Variants in TG observed in about 807,000 individuals in gnomAD.
TG encodes the protein thyroid hormones.
In TG, 270 loss-of-function variants were observed where a neutral mutation model predicts 324.7. That is an observed-to-expected ratio of 0.83 (90% confidence interval 0.75 to 0.92). The LOEUF is 0.92. Among genes scored for constraint, TG ranks in the 40% least tolerant of loss-of-function variants. The pLI, the probability that TG is intolerant of heterozygous loss-of-function variation, is 0.00. For missense variants in TG, 3,591 were observed against 3,456.4 expected, an observed-to-expected ratio of 1.04 and a Z score of -0.98; for synonymous variants, 1,401 against 1,327.0, an observed-to-expected ratio of 1.06 and a Z score of -1.21.
At chr8:132,920,010 C>G (rs1318070972) in intron 21 of TG, among the ~76,000 whole-genome samples, 2 of 152,196 alleles carry the variant, frequency 1.3e-5, no homozygotes, top group Admixed American at 6.5e-5. Flanking sequence ...GATGATGTAA[C>G]TGGTCTTTGA....
rs768727106 is a variant in TG at position 132,929,185 on chromosome 8, C to CT, written c.4811dup (p.Leu1604PhefsTer25). 1 of 1,613,522 alleles carries CT rather than the reference C, an allele frequency of 6.2e-7. No individual in the cohort carries two copies. Among genetic ancestry groups the CT allele is most frequent in the South Asian group, 1.1e-5 (1 of 91,070 alleles). On this transcript the variant is annotated frameshift_variant, in exon 23 of 48. Coordinates refer to ENST00000220616, the MANE Select transcript of TG (RefSeq NM_003235.5). LOFTEE classifies it high-confidence loss of function. The stretch of plus-strand genomic sequence containing the variant: ...ATTCTGAGTTCCCCGTGATGCAGTG[C>CT]TTGACAGGTGAGGAGTGGTGGGGAG...
intron 35 of TG, among the ~76,000 whole-genome samples, chr8:132,993,164 G>A (rs1390193650): frequency 6.6e-6 from 1 of 152,154 alleles, no homozygotes; most frequent in African/African-American, 2.4e-5. Flanking sequence ...TAGTTATTTG[G>A]TTTTAAATAA....
intron 41 of TG, chr8:133,094,568 A>T (rs1220874843): frequency 8.7e-6 from 2 of 230,160 alleles, no homozygotes; most frequent in East Asian, 2.0e-4. Context: ...CCTTACAAAG[A>T]CTGTGTTTTC....
chr8:133,096,604 A>G (rs1277733122), intron 43 of TG, among the ~76,000 whole-genome samples: 1 of 152,206 alleles, frequency 6.6e-6, no homozygotes, highest in Admixed American at 6.5e-5. Context: ...ATCGCTGTGG[A>G]AAACTGGAGC....
chr8:132,883,017 GC>G lies in TG; in HGVS notation c.1075+19del. On this transcript the variant is annotated intron_variant, in intron 8 of 47. Transcript: ENST00000220616. ...ATCTTGTGGTGGGTTTCCTCTGGGG[GC>G]TTCCTCTTTCGGCCTCGGATCATAT... 4.3e-6 allele frequency: 7 copies of G among 1,612,258 alleles called. No individual in the cohort carries two copies. The highest frequency in any genetic ancestry group is 2.2e-5 in the South Asian group (2 of 90,788).
Position 133,060,494 on chromosome 8 carries a change from C to G in TG, c.7239+30471C>G, listed in dbSNP as rs1045400670. On this transcript the variant is annotated intron_variant, in intron 41 of 47. Coordinates refer to ENST00000220616, the MANE Select transcript of TG (RefSeq NM_003235.5). ...TGCTGAGGATGGTAAGCAGCCACAG[C>G]AGGGTTTGTGTGAGAAACCAAGCAG... 1.1e-5 allele frequency: 9 copies of G among 842,228 alleles called. No individual in the cohort carries two copies. The African/African-American group carries it at 1.6e-4, about 15-fold the overall frequency. 52.2% of individuals were successfully genotyped at this position (842,228 alleles called of 1,614,324 possible). A position where few individuals can be genotyped will look rare whatever the true frequency, so the allele number is the denominator to read the frequency against.
At chr8:133,065,499 CA>C (rs1357399495) in intron 41 of TG, among the ~76,000 whole-genome samples, 1 of 152,208 alleles carries the variant, frequency 6.6e-6, no homozygotes, top group Non-Finnish European at 1.5e-5. Flanking sequence ...CGGTGGCTCA[CA>C]CCTGTGATCC....
rs201258018 is a variant in TG, at chr8:132,898,941, G to T, written c.3330+31G>T. The T allele has an allele frequency of 1.1e-5, 18 of 1,579,940 alleles. No individual in the cohort carries two copies. In the African/African-American group the frequency reaches 2.2e-4, roughly 19 times the overall value. ...GGTCTGGAAGCACAGGATTGGAGCCGGGACTTGTCCCCGCTGGTCAGAGAT... is the reference window on the plus strand; with the variant it reads ...GGTCTGGAAGCACAGGATTGGAGCCTGGACTTGTCCCCGCTGGTCAGAGAT... On this transcript the variant is annotated intron_variant, in intron 14 of 47. Transcript: ENST00000220616.
intron 43 of TG, among the ~76,000 whole-genome samples, chr8:133,104,859 C>T (rs1849659286): frequency 6.6e-6 from 1 of 152,176 alleles, no homozygotes; most frequent in South Asian, 2.1e-4. Context: ...AACGGCCACC[C>T]AGGATTCACA....
rs1847182893 is a variant in TG, at chr8:133,089,643, A to G, written c.7240-5401A>G. ...CTCTTCATTTAGAAGTCACTGGTCC[A>G]TCTGCCTGCCATTCATTCATTTGTT... On this transcript the variant is annotated intron_variant, in intron 41 of 47. Transcript: ENST00000220616. Among the ~76,000 whole-genome samples, 5 of 152,328 alleles carry G rather than the reference A, an allele frequency of 3.3e-5. No homozygotes were observed. The South Asian group carries it at 1.0e-3, about 32-fold the overall frequency.
At chr8:132,973,916 GA>G (rs1829859986) in intron 34 of TG, among the ~76,000 whole-genome samples, 1 of 150,356 alleles carries the variant, frequency 6.7e-6, no homozygotes. Flanking sequence ...ACTTGCCCTA[GA>G]AAATAGAGCC....
intron 35 of TG, among the ~76,000 whole-genome samples, chr8:133,008,799 A>G (rs1834243856): frequency 6.6e-6 from 1 of 152,236 alleles, no homozygotes; most frequent in Admixed American, 6.5e-5. Context: ...TACCCACCTC[A>G]TTGGTTATCA....
intron 22 of TG, among the ~76,000 whole-genome samples, 194 bp from the exon 23 acceptor site, chr8:132,928,882 A>T (rs1195099519): frequency 6.6e-6 from 1 of 152,220 alleles, no homozygotes; most frequent in East Asian, 1.9e-4. Flanking sequence ...AGAGCTGGTA[A>T]GTTGTAACTC....
In TG at chr8:133,096,295, G is replaced by T; in HGVS notation, c.7494G>T (p.Arg2498Ser). ...AGCCTCCAGCCAGAGCACTGAAGAG[G>T]TCTTTATGGGTAGAGGTCGATCTGC... ...LREPPARALKRSLWVEVDLLI... is the reference protein window; with the variant it reads ...LREPPARALKSSLWVEVDLLI... Residue 2498 changes from arginine to serine, a missense_variant, in exon 43 of 48, where the codon AGG becomes AGT. Arg to Ser is a moderately radical substitution (Grantham distance 110, BLOSUM62 -1). Coordinates refer to ENST00000220616, the MANE Select transcript of TG (RefSeq NM_003235.5). The T allele has an allele frequency of 6.2e-7, 1 of 1,614,202 alleles. No homozygotes were observed. Among genetic ancestry groups the T allele is most frequent in the Middle Eastern group, 1.6e-4 (1 of 6,062 alleles).
At position 133,022,144 on chromosome 8, in the gene TG, A is replaced by T; in HGVS notation, c.7030A>T (p.Ser2344Cys). The change falls in exon 40 of 48, where the codon AGT becomes TGT. Residue 2344 changes from serine (S) to cysteine (C), a missense_variant. Transcript: ENST00000220616. The stretch of plus-strand genomic sequence containing the variant: ...CCGAGTGGGTGTCTTCGGCTTCCTG[A>T]GTTCTGGTGAGTTGCTGCCTCTGGT... ...SYRVGVFGFL[S>C]SGSGEVSGNW... The T allele has an allele frequency of 6.2e-7, 1 of 1,613,826 alleles. No homozygotes were observed.
intron 34 of TG, among the ~76,000 whole-genome samples, chr8:132,977,430 G>A (rs1443337530): frequency 6.6e-6 from 1 of 152,122 alleles, no homozygotes; most frequent in Non-Finnish European, 1.5e-5. Flanking sequence ...TCTATACTGA[G>A]TGATGACTAT....
chr8:133,084,241 T>A (rs1015017914), intron 41 of TG, among the ~76,000 whole-genome samples: 1 of 152,192 alleles, frequency 6.6e-6, no homozygotes, highest in Non-Finnish European at 1.5e-5. Flanking sequence ...ACTTTGCCTC[T>A]GTCTAGGCAG....
In TG at chr8:133,013,722, C is replaced by G. The variant is rs370464790; in HGVS notation, c.6520C>G (p.Leu2174Val). The part of the protein sequence containing the change: ...THSLQGQNCR[L>V]LLREEATHIY... ...TAGTCTGCAGGGTCAGAACTGCCGA[C>G]TTCTGCTTCGTGAAGAGGCCACCCA... The change falls in exon 37 of 48, where the codon CTT becomes GTT. Residue 2174 changes from leucine (L) to valine (V), a missense_variant. Transcript: ENST00000220616. 6.2e-7 allele frequency: 1 copy of G among 1,613,492 alleles called. No homozygotes were observed. Among genetic ancestry groups the G allele is most frequent in the Non-Finnish European group, 8.5e-7 (1 of 1,180,022 alleles).
chr8:133,054,748 A>C (rs1307222801), intron 41 of TG, among the ~76,000 whole-genome samples: 1 of 152,240 alleles, frequency 6.6e-6, no homozygotes, highest in Non-Finnish European at 1.5e-5. Flanking sequence ...TCAACTTAAG[A>C]ATGAGTCAAG....
Sources: gnomAD v4.1 joint callset for allele counts (sites outside exome capture counted in the v4.1 genomes callset) on GRCh38, gnomAD v4.1.1 for gene constraint, MANE v1.5 for transcripts, NCBI Gene and HGNC (gene_info 2026-07-23, HGNC 2026-07-21) for gene names.